KCNN2: variants seen among roughly 807,000 people sequenced by gnomAD.
The protein encoded by KCNN2 is small conductance calcium-activated potassium channel protein 2.
A neutral mutation model predicts 55.5 loss-of-function variants in KCNN2; 24 were observed. That is an observed-to-expected ratio of 0.43 (90% CI 0.31 to 0.61). KCNN2 has a LOEUF of 0.61. KCNN2 is among the 20% of genes least tolerant of loss of function. The pLI, the probability that KCNN2 is intolerant of heterozygous loss-of-function variation, is 0.08. For synonymous variants in KCNN2, 431 were observed against 336.1 expected, an observed-to-expected ratio of 1.28 and a Z score of -3.09; for missense variants, 754 against 853.6, an observed-to-expected ratio of 0.88 and a Z score of 1.45.
intron 3 of KCNN2, among the ~76,000 whole-genome samples, chr5:114,434,168 A>G (rs1239405875): frequency 1.4e-5 from 2 of 138,504 alleles, no homozygotes; most frequent in Non-Finnish European, 3.2e-5. Context: ...TTAGCATATC[A>G]GTTATACTAC....
intron 2 of KCNN2, among the ~76,000 whole-genome samples, chr5:114,285,157 G>A (rs768938241): frequency 6.6e-5 from 10 of 151,624 alleles, no homozygotes; most frequent in Non-Finnish European, 1.3e-4. Context: ...GGTGGCGGGT[G>A]CCTGTAGTCC....
intron 2 of KCNN2, among the ~76,000 whole-genome samples, chr5:114,366,078 G>A (rs1483960245): frequency 6.6e-6 from 1 of 152,072 alleles, no homozygotes; most frequent in Non-Finnish European, 1.5e-5. Context: ...ATATTAGAAC[G>A]CTTAAAATTT....
At chr5:114,273,338 C>T (rs867997339) in intron 2 of KCNN2, among the ~76,000 whole-genome samples, 7 of 152,114 alleles carry the variant, frequency 4.6e-5, no homozygotes, top group Non-Finnish European at 2.9e-5. Flanking sequence ...AATAAACATA[C>T]GTGTGCATGT....
At chr5:114,123,700 G>T (rs923039492) in intron 1 of KCNN2, among the ~76,000 whole-genome samples, 19 of 152,252 alleles carry the variant, frequency 1.2e-4, no homozygotes, top group Middle Eastern at 3.4e-3. Context: ...AAATAAAAAG[G>T]TCCCTCTTGT....
At chr5:114,121,739 C>G (rs916222605) in intron 1 of KCNN2, among the ~76,000 whole-genome samples, 1 of 152,114 alleles carries the variant, frequency 6.6e-6, no homozygotes. Context: ...TGCCTCTGAT[C>G]GATGTGGTGA....
intron 1 of KCNN2, among the ~76,000 whole-genome samples, chr5:114,093,993 G>A (rs1751203613): frequency 6.6e-6 from 1 of 152,102 alleles, no homozygotes; most frequent in Admixed American, 6.5e-5. Context: ...ATATAGTGTG[G>A]GAGACTTGAT....
chr5:114,458,031 G>A (rs1183043381), intron 3 of KCNN2, among the ~76,000 whole-genome samples: 2 of 152,128 alleles, frequency 1.3e-5, no homozygotes, highest in African/African-American at 4.8e-5. Flanking sequence ...AGAATGTGTT[G>A]TTTCTTCTTC....
intron 2 of KCNN2, among the ~76,000 whole-genome samples, chr5:114,241,822 G>GTA (rs1304194176): frequency 0.034 from 215 of 6,358 alleles, 76 homozygotes; most frequent in South Asian, 0.23. Flanking sequence ...ATATATATGT[G>GTA]TGTATATATA....
intron 2 of KCNN2, among the ~76,000 whole-genome samples, chr5:114,339,932 G>C (rs1756987253): frequency 6.6e-6 from 1 of 152,090 alleles, no homozygotes; most frequent in South Asian, 2.1e-4. Flanking sequence ...GTTTCTTTTA[G>C]GAAGAGTAAA....
intron 2 of KCNN2, among the ~76,000 whole-genome samples, chr5:114,352,787 C>G (rs946571959): frequency 6.6e-6 from 1 of 151,800 alleles, no homozygotes; most frequent in African/African-American, 2.4e-5. Flanking sequence ...TTGTTACAAG[C>G]ATAGATTACA....
At chr5:114,390,637 C>G (rs1758424717) in intron 2 of KCNN2, among the ~76,000 whole-genome samples, 1 of 152,086 alleles carries the variant, frequency 6.6e-6, no homozygotes. Flanking sequence ...AGTTACAGAG[C>G]TCATCAATTG....
At chr5:114,307,925 C>G (rs898387178) in intron 2 of KCNN2, among the ~76,000 whole-genome samples, 2 of 151,984 alleles carry the variant, frequency 1.3e-5, no homozygotes. Flanking sequence ...CAGCTTGATT[C>G]CTCCCCATAC....
intron 3 of KCNN2, chr5:114,434,040 C>A (rs1010572844): frequency 1.3e-5 from 2 of 152,064 alleles, no homozygotes; most frequent in African/African-American, 4.8e-5. Context: ...TCATATTTTT[C>A]TTTATTTTCT....
At chr5:114,214,662 T>C (rs778901073) in intron 1 of KCNN2, among the ~76,000 whole-genome samples, 1 of 152,070 alleles carries the variant, frequency 6.6e-6, no homozygotes, top group Non-Finnish European at 1.5e-5. Context: ...TTCTTTTGGG[T>C]TCCCCATATG....
upstream of KCNN2, among the ~76,000 whole-genome samples, chr5:114,361,654 C>T (rs1207882190): frequency 2.6e-5 from 4 of 151,380 alleles, no homozygotes; most frequent in Non-Finnish European, 5.9e-5. Flanking sequence ...CTGCCCCCGG[C>T]CAAGGTGGCC....
Position 114,483,713 on chromosome 5 carries a change from C to CTGTGTGTG in KCNN2, c.1891-3313_1891-3306dup, listed in dbSNP as rs3070952. On this transcript the variant is annotated intron_variant, in intron 5 of 7. Coordinates refer to ENST00000673685, the MANE Select transcript of KCNN2 (RefSeq NM_021614.4). ...CAGAGCAAATGTTCTTATTTTTCAA[C>CTGTGTGTG]TGTGTGTGTGTGTGTGTGTGTGTGT... 2.8e-3 allele frequency among the ~76,000 whole-genome samples: 408 copies of CTGTGTGTG among 148,324 alleles called. 5 individuals carry two copies. Among genetic ancestry groups the CTGTGTGTG allele is most frequent in the Admixed American group, 0.013 (192 of 14,856 alleles).
chr5:114,114,957 A>T (rs1751681989), intron 1 of KCNN2, among the ~76,000 whole-genome samples: 1 of 152,156 alleles, frequency 6.6e-6, no homozygotes, highest in Non-Finnish European at 1.5e-5. Flanking sequence ...GTCATGGAAT[A>T]TTTCCTTTTC....
At chr5:114,318,622 T>C (rs1036985765) in intron 2 of KCNN2, among the ~76,000 whole-genome samples, 10 of 151,360 alleles carry the variant, frequency 6.6e-5, no homozygotes, top group African/African-American at 2.2e-4. Flanking sequence ...ATAATTCATA[T>C]ATAATTATTA....
chr5:114,204,359 G>T (rs1304273505), intron 1 of KCNN2, among the ~76,000 whole-genome samples: 1 of 152,110 alleles, frequency 6.6e-6, no homozygotes, highest in Admixed American at 6.5e-5. Context: ...CTACTGAAGA[G>T]AATGTTTAAC....
Sources: allele counts gnomAD v4.1 joint callset (sites outside exome capture counted in the v4.1 genomes callset), GRCh38; gene constraint gnomAD v4.1.1; transcripts MANE v1.5; gene names NCBI Gene and HGNC (gene_info 2026-07-23, HGNC 2026-07-21).